AFF3: variants seen among roughly 807,000 people sequenced by gnomAD.
AFF3 encodes AF4/FMR2 family member 3.
In AFF3, 32 loss-of-function variants were observed where a neutral mutation model predicts 129.7. The ratio of observed to expected loss-of-function variants is 0.25; its 90% CI spans 0.19 to 0.33. AFF3 has a LOEUF of 0.33. Among genes scored for constraint, AFF3 ranks in the 10% least tolerant of loss-of-function variants. The probability of loss-of-function intolerance (pLI) is 1.00; values close to 1 mark genes in which losing one functional copy is unlikely to be tolerated. For missense variants in AFF3, 1,373 were observed against 1,592.0 expected, an observed-to-expected ratio of 0.86 and a Z score of 2.34; for synonymous variants, 644 against 635.4, an observed-to-expected ratio of 1.01 and a Z score of -0.20.
At chr2:99,789,921 G>T (rs1685080441) in intron 8 of AFF3, among the ~76,000 whole-genome samples, 2 of 152,234 alleles carry the variant, frequency 1.3e-5, no homozygotes, top group Admixed American at 1.3e-4. Flanking sequence ...TTTCAACAAT[G>T]AAAGGAATGT....
chr2:99,935,250 C>G (rs1252419990), intron 7 of AFF3, among the ~76,000 whole-genome samples: 3 of 152,176 alleles, frequency 2.0e-5, no homozygotes, highest in African/African-American at 7.2e-5. Context: ...GCCACCACTG[C>G]AACATGAAAT....
intron 13 of AFF3, among the ~76,000 whole-genome samples, chr2:99,620,922 GCTTT>G (rs1351275646): frequency 6.6e-6 from 1 of 152,118 alleles, no homozygotes. Context: ...ATGAGTGAAA[GCTTT>G]CTGAGGCCTC....
At chr2:99,697,908 A>C (rs1216526474) in intron 11 of AFF3, among the ~76,000 whole-genome samples, 1 of 152,228 alleles carries the variant, frequency 6.6e-6, no homozygotes, top group African/African-American at 2.4e-5. Flanking sequence ...CAAATACCTG[A>C]CTTTGTGAAT....
intron 11 of AFF3, among the ~76,000 whole-genome samples, chr2:99,682,179 T>C (rs1044600665): frequency 4.6e-5 from 7 of 152,088 alleles, no homozygotes; most frequent in African/African-American, 1.2e-4. Context: ...AGTGCTGGGA[T>C]TACAGGTGTG....
chr2:99,850,660 C>T (rs762127913), intron 7 of AFF3, among the ~76,000 whole-genome samples: 1 of 152,176 alleles, frequency 6.6e-6, no homozygotes, highest in Non-Finnish European at 1.5e-5. Context: ...AAGATTCTAA[C>T]TTTAAGACTA....
At chr2:100,011,243 C>T (rs1345617497) in intron 4 of AFF3, among the ~76,000 whole-genome samples, 1 of 152,148 alleles carries the variant, frequency 6.6e-6, no homozygotes, top group Non-Finnish European at 1.5e-5. Flanking sequence ...CACTGCACTC[C>T]AGCCTGGGCG....
rs75095222 is a variant in AFF3 at position 99,826,609 on chromosome 2, T to C, written c.921+10868A>G. On this transcript the variant is annotated intron_variant, in intron 8 of 24. Transcript: ENST00000672756. ...GCATGTGCCGGGGTGGGGAAGAGCA[T>C]GAGTTGCGCCCAGAGGTGATGGTGA... Among the ~76,000 whole-genome samples, 556 of 152,122 alleles carry C rather than the reference T, an allele frequency of 3.7e-3. 6 individuals carry two copies. The highest frequency in any genetic ancestry group is 0.013 in the African/African-American group (532 of 41,484).
At chr2:99,578,991 G>A (rs1468831803) in intron 17 of AFF3, among the ~76,000 whole-genome samples, 2 of 152,214 alleles carry the variant, frequency 1.3e-5, no homozygotes, top group Non-Finnish European at 2.9e-5. Flanking sequence ...CTGGAACCAC[G>A]CTTTCAGAAC....
At chr2:99,901,495 G>A (rs924946338) in intron 7 of AFF3, among the ~76,000 whole-genome samples, 14 of 152,000 alleles carry the variant, frequency 9.2e-5, no homozygotes, top group African/African-American at 3.4e-4. Flanking sequence ...ACTCATTATC[G>A]TGATCCCAAC....
At chr2:99,988,363 A>G (rs1486233617) in intron 7 of AFF3, among the ~76,000 whole-genome samples, 2 of 152,220 alleles carry the variant, frequency 1.3e-5, no homozygotes, top group Non-Finnish European at 2.9e-5. Context: ...CAAAGTGCAC[A>G]GCATGTTAGG....
intron 7 of AFF3, among the ~76,000 whole-genome samples, chr2:99,891,146 T>C (rs1027266590): frequency 1.3e-5 from 2 of 151,720 alleles, no homozygotes; most frequent in Non-Finnish European, 2.9e-5. Flanking sequence ...AGGATTTGAG[T>C]AAGTAGGTTT....
intron 4 of AFF3, among the ~76,000 whole-genome samples, chr2:100,057,297 G>C (rs983271749): frequency 2.1e-5 from 3 of 140,548 alleles, no homozygotes; most frequent in Non-Finnish European, 4.6e-5. Flanking sequence ...CACCAGCCTG[G>C]GCAACAGAGC....
chr2:100,060,996 T>C (rs1191217358), intron 4 of AFF3, among the ~76,000 whole-genome samples: 1 of 152,170 alleles, frequency 6.6e-6, no homozygotes, highest in African/African-American at 2.4e-5. Flanking sequence ...AAAATATCCC[T>C]CAATGTAGGT....
intron 8 of AFF3, among the ~76,000 whole-genome samples, chr2:99,755,468 T>C (rs1682020269): frequency 6.6e-6 from 1 of 152,162 alleles, no homozygotes; most frequent in Non-Finnish European, 1.5e-5. Context: ...GGTTTCTCCA[T>C]GTTGGTCAGG....
intron 4 of AFF3, among the ~76,000 whole-genome samples, chr2:100,043,047 CAG>C (rs989845484): frequency 1.3e-5 from 2 of 150,868 alleles, no homozygotes; most frequent in Non-Finnish European, 3.0e-5. Flanking sequence ...TTTTTAAACA[CAG>C]AGAATTTTTT....
intron 7 of AFF3, among the ~76,000 whole-genome samples, chr2:99,840,638 T>G (rs1482198113): frequency 6.6e-6 from 1 of 152,202 alleles, no homozygotes; most frequent in Non-Finnish European, 1.5e-5. Context: ...GTTGGCCACA[T>G]ACTTATTACA....
intron 4 of AFF3, among the ~76,000 whole-genome samples, chr2:100,031,665 A>G (rs1372700954): frequency 6.6e-6 from 1 of 152,258 alleles, no homozygotes; most frequent in Non-Finnish European, 1.5e-5. Context: ...TCACAACAAC[A>G]ATAACACAAT....
intron 4 of AFF3, among the ~76,000 whole-genome samples, chr2:100,059,478 G>A (rs1193835729): frequency 6.6e-6 from 1 of 152,058 alleles, no homozygotes; most frequent in African/African-American, 2.4e-5. Context: ...TGGAGAAACT[G>A]GAACCTTCAT....
At chr2:99,953,565 G>T (rs112378238) in intron 7 of AFF3, among the ~76,000 whole-genome samples, 1 of 152,136 alleles carries the variant, frequency 6.6e-6, no homozygotes, top group Non-Finnish European at 1.5e-5. Flanking sequence ...ATTGTGGATC[G>T]GTAATAGCTA....
Sources: allele counts gnomAD v4.1 joint callset (sites outside exome capture counted in the v4.1 genomes callset), GRCh38; gene constraint gnomAD v4.1.1; transcripts MANE v1.5; gene names NCBI Gene and HGNC (gene_info 2026-07-23, HGNC 2026-07-21).